The following DNAH11 variants were observed in gnomAD, a reference collection of about 807,000 sequenced individuals.
DNAH11 encodes axonemal beta dynein heavy chain 11.
In DNAH11, 442 loss-of-function variants were observed where a neutral mutation model predicts 526.0. The observed-to-expected ratio is 0.84, with a 90% CI of 0.78 to 0.91. The LOEUF (loss-of-function observed/expected upper bound fraction) is 0.91, where lower values mean the gene tolerates loss of function less well. Ranked by LOEUF, DNAH11 falls within the 40% of genes least tolerant of loss-of-function variation. The pLI, the probability that DNAH11 is intolerant of heterozygous loss-of-function variation, is 0.00. For synonymous variants in DNAH11, 2,461 were observed against 1,935.9 expected, an observed-to-expected ratio of 1.27 and a Z score of -7.12; for missense variants, 6,989 against 5,448.7, an observed-to-expected ratio of 1.28 and a Z score of -8.90.
At chr7:21,610,867 G>C (rs1294093765) in intron 20 of DNAH11, among the ~76,000 whole-genome samples, 1 of 152,224 alleles carries the variant, frequency 6.6e-6, no homozygotes, top group African/African-American at 2.4e-5. Context: ...CGCATAGAAA[G>C]AAGTTAGAAT....
intron 79 of DNAH11, 32 bp from the exon 80 acceptor site, chr7:21,899,301 ACAG>A (rs1413838217): frequency 6.4e-7 from 1 of 1,560,876 alleles, no homozygotes; most frequent in East Asian, 2.2e-5. Flanking sequence ...ATTTTACTGA[ACAG>A]CAAGTTTTTC....
At position 21,753,471 on chromosome 7, in the gene DNAH11, CTT is replaced by C. The variant is rs1786499597; in HGVS notation, c.8940+3109_8940+3110del. Among the ~76,000 whole-genome samples the C allele has an allele frequency of 3.9e-5, 6 of 152,300 alleles. 1 individual carries two copies. In the South Asian group the frequency reaches 1.2e-3, roughly 32 times the overall value. On this transcript the variant is annotated intron_variant, in intron 54 of 81. Coordinates refer to ENST00000409508, the MANE Select transcript of DNAH11 (RefSeq NM_001277115.2). ...TCCAGTGCCTATGTGCTTTCATGCT[CTT>C]TAAAACTTTTCTACCTCTGAAATAC...
chr7:21,589,462 C>A, intron 12 of DNAH11, 59 bp downstream of exon 12: 2 of 1,356,222 alleles, frequency 1.5e-6, no homozygotes, highest in Non-Finnish European at 2.0e-6. Flanking sequence ...AAGCCTATTT[C>A]TGATATTTCC....
Position 21,590,989 on chromosome 7 carries a change from A to T in DNAH11, c.2241A>T (p.Leu747Phe), listed in dbSNP as rs1354717065. ...AACAAGACATACCAGATTCAGCTTTAGCCATCTTCAAGAAAAGGAACACTA... is the reference window on the plus strand; with the variant it reads ...AACAAGACATACCAGATTCAGCTTTTGCCATCTTCAAGAAAAGGAACACTA... Reference protein sequence around the residue: ...LKKQDIPDSALAIFKKRNTIL... With the variant: ...LKKQDIPDSAFAIFKKRNTIL... The change falls in exon 13 of 82, where the codon TTA becomes TTT. Residue 747 changes from leucine to phenylalanine, a missense_variant. Physicochemically the swap from Leu to Phe is conservative, Grantham distance 22. Coordinates refer to ENST00000409508, the MANE Select transcript of DNAH11 (RefSeq NM_001277115.2). 3 of 1,520,488 alleles carry T rather than the reference A, an allele frequency of 2.0e-6. No individual in the cohort carries two copies. In the African/African-American group the frequency reaches 4.3e-5, roughly 22 times the overall value. 94.2% of individuals were successfully genotyped at this position (1,520,488 alleles called of 1,614,324 possible).
At chr7:21,866,729 T>A in intron 71 of DNAH11, 66 bp downstream of exon 71, 1 of 1,474,896 alleles carries the variant, frequency 6.8e-7, no homozygotes, top group Non-Finnish European at 9.1e-7. Flanking sequence ...TCTGAAGAGT[T>A]AGGAGGATCT....
At chr7:21,850,305 G>A (rs1191497116) in intron 66 of DNAH11, among the ~76,000 whole-genome samples, 4 of 145,434 alleles carry the variant, frequency 2.8e-5, no homozygotes, top group Admixed American at 7.0e-5. Flanking sequence ...GCAGTGACCC[G>A]AGATGGCGCC....
intron 61 of DNAH11, among the ~76,000 whole-genome samples, chr7:21,790,319 G>A (rs905769601): frequency 2.0e-5 from 3 of 151,994 alleles, no homozygotes; most frequent in African/African-American, 4.8e-5. Context: ...GCGTCATGGC[G>A]GGTGACTGTA....
At chr7:21,571,696 C>T in intron 7 of DNAH11, 110 bp from the exon 8 acceptor site, 1 of 714,354 alleles carries the variant, frequency 1.4e-6, no homozygotes, top group Non-Finnish European at 2.1e-6. Context: ...CTGTCATTTT[C>T]TGTCATTGAC....
At chr7:21,900,659 A>G (rs1583828763) in intron 81 of DNAH11, among the ~76,000 whole-genome samples, 2 of 152,214 alleles carry the variant, frequency 1.3e-5, no homozygotes, top group South Asian at 4.1e-4. Context: ...GTTCTGGTGT[A>G]AAAGAATAAG....
intron 7 of DNAH11, 29 bp from the exon 8 acceptor site, chr7:21,571,777 G>A (rs1311640511): frequency 6.4e-7 from 1 of 1,561,874 alleles, no homozygotes. Flanking sequence ...CAATGTAGTG[G>A]AAAGGTCTTT....
chr7:21,587,467 T>C (rs1275853210), intron 9 of DNAH11, among the ~76,000 whole-genome samples: 2 of 152,132 alleles, frequency 1.3e-5, no homozygotes, highest in Non-Finnish European at 2.9e-5. Flanking sequence ...AAGAATCTTA[T>C]TAGCTCAAAG....
intron 20 of DNAH11, among the ~76,000 whole-genome samples, chr7:21,611,389 G>A (rs973274841): frequency 2.6e-5 from 4 of 152,076 alleles, no homozygotes; most frequent in Admixed American, 1.3e-4. Context: ...GCTGGCATCC[G>A]GGTTTCCAGC....
chr7:21,586,717 C>G lies in DNAH11; in HGVS notation c.1711-1347C>G, dbSNP rs143017381. Among the ~76,000 whole-genome samples the G allele has an allele frequency of 9.2e-5, 14 of 152,258 alleles. No individual in the cohort carries two copies. In the East Asian group the frequency reaches 2.7e-3, roughly 29 times the overall value. ...GCCATATTGCTAAACAAGGCGTGAC[C>G]TTGGATACAGTTTATCTACCACTGT... is the stretch of plus-strand genomic sequence containing the variant. On this transcript the variant is annotated intron_variant, in intron 9 of 81. Transcript: ENST00000409508.
chr7:21,741,794 G>A (rs1785910377), intron 48 of DNAH11, 133 bp from the exon 49 acceptor site: 1 of 1,006,036 alleles, frequency 9.9e-7, no homozygotes, highest in Non-Finnish European at 1.4e-6. Flanking sequence ...GCCAACCCCA[G>A]AGTCAGAGTG....
chr7:21,771,947 G>T (rs925876907), intron 55 of DNAH11, among the ~76,000 whole-genome samples: 1 of 152,134 alleles, frequency 6.6e-6, no homozygotes, highest in Admixed American at 6.6e-5. Context: ...GTTCTACAAT[G>T]ACCCTTTTAA....
intron 5 of DNAH11, among the ~76,000 whole-genome samples, chr7:21,562,725 T>C (rs530115292): frequency 6.6e-6 from 1 of 152,272 alleles, no homozygotes; most frequent in South Asian, 2.1e-4. Flanking sequence ...TAGATACGAT[T>C]ATATAATTTT....
At chr7:21,566,647 C>T (rs79031877) in intron 6 of DNAH11, among the ~76,000 whole-genome samples, 6,179 of 150,150 alleles carry the variant, frequency 0.041, 137 homozygotes, top group South Asian at 0.063. Context: ...AAGTAACTCT[C>T]CAACCCAGCA....
chr7:21,682,455 G>C (rs1410231391), intron 31 of DNAH11, among the ~76,000 whole-genome samples: 1 of 150,394 alleles, frequency 6.6e-6, no homozygotes, highest in African/African-American at 2.5e-5. Flanking sequence ...GAACCCAGGA[G>C]GCAGAGGTTG....
chr7:21,568,578 T>C (rs1435325723), intron 6 of DNAH11, among the ~76,000 whole-genome samples: 3 of 152,172 alleles, frequency 2.0e-5, no homozygotes, highest in African/African-American at 7.2e-5. Flanking sequence ...ATTTAGGACA[T>C]TAAGTGCCAT....
Sources: gnomAD v4.1 joint callset for allele counts (sites outside exome capture counted in the v4.1 genomes callset) on GRCh38, gnomAD v4.1.1 for gene constraint, MANE v1.5 for transcripts, NCBI Gene and HGNC (gene_info 2026-07-23, HGNC 2026-07-21) for gene names.